RAB2A: variants seen among roughly 807,000 people sequenced by gnomAD.
RAB2A encodes ras-related protein Rab-2A.
A neutral mutation model predicts 32.5 loss-of-function variants in RAB2A; 7 were observed. That is an observed-to-expected ratio of 0.22 (90% CI 0.12 to 0.40). RAB2A has a LOEUF of 0.40. Among genes scored for constraint, RAB2A ranks in the 10% least tolerant of loss-of-function variants. RAB2A has a pLI of 1.00. For synonymous variants in RAB2A, 79 were observed against 85.2 expected, an observed-to-expected ratio of 0.93 and a Z score of 0.40; for missense variants, 108 against 260.7, an observed-to-expected ratio of 0.41 and a Z score of 4.03.
intron 2 of RAB2A, among the ~76,000 whole-genome samples, chr8:60,561,827 A>G (rs1808029955): frequency 6.6e-6 from 1 of 152,164 alleles, no homozygotes; most frequent in Non-Finnish European, 1.5e-5. Context: ...GTAGTCATAC[A>G]TAGCCACTAC....
intron 3 of RAB2A, among the ~76,000 whole-genome samples, chr8:60,577,836 G>A (rs4452821): frequency 0.38 from 53,801 of 141,158 alleles, 10,571 homozygotes; most frequent in Middle Eastern, 0.55. Flanking sequence ...TGGAGACGAG[G>A]TTTCACCAAG....
At chr8:60,597,682 TAGAA>T (rs1354386395) in intron 6 of RAB2A, among the ~76,000 whole-genome samples, 1 of 151,270 alleles carries the variant, frequency 6.6e-6, no homozygotes, top group Non-Finnish European at 1.5e-5. Flanking sequence ...CCAAAATAAA[TAGAA>T]AGGAGGGAAT....
intron 6 of RAB2A, among the ~76,000 whole-genome samples, chr8:60,605,224 G>A (rs192624072): frequency 3.9e-5 from 6 of 152,338 alleles, no homozygotes; most frequent in Admixed American, 3.9e-4. Flanking sequence ...TGGTAAGCCT[G>A]TGGGTGCACA....
intron 3 of RAB2A, among the ~76,000 whole-genome samples, chr8:60,577,982 C>G (rs1803672496): frequency 6.6e-6 from 1 of 151,976 alleles, no homozygotes; most frequent in South Asian, 2.1e-4. Flanking sequence ...AGTAAAGTAC[C>G]TGAGATTTAA....
chr8:60,533,834 G>T (rs571406565), intron 1 of RAB2A, among the ~76,000 whole-genome samples: 1 of 152,260 alleles, frequency 6.6e-6, no homozygotes, highest in Admixed American at 6.5e-5. Flanking sequence ...GCTGGGCGTG[G>T]TGGTGGGTGC....
intron 6 of RAB2A, among the ~76,000 whole-genome samples, chr8:60,597,774 C>G (rs1004893380): frequency 1.3e-5 from 2 of 152,226 alleles, no homozygotes; most frequent in Admixed American, 6.5e-5. Context: ...TTAAAAACTT[C>G]AGTAAAATTG....
At chr8:60,540,839 G>C (rs763725527) in intron 1 of RAB2A, among the ~76,000 whole-genome samples, 1 of 152,156 alleles carries the variant, frequency 6.6e-6, no homozygotes, top group South Asian at 2.1e-4. Context: ...AATATGGAAG[G>C]GCAGAAGATT....
intron 1 of RAB2A, among the ~76,000 whole-genome samples, chr8:60,545,984 T>TGA (rs1404275028): frequency 5.3e-5 from 8 of 152,216 alleles, no homozygotes; most frequent in African/African-American, 1.9e-4. Context: ...GATGAAAAGA[T>TGA]GAATAGGAAT....
At chr8:60,601,509 T>G (rs1324954782) in intron 6 of RAB2A, among the ~76,000 whole-genome samples, 1 of 152,202 alleles carries the variant, frequency 6.6e-6, no homozygotes, top group Admixed American at 6.5e-5. Flanking sequence ...GGCTAATTTT[T>G]GTACTTCTAG....
intron 1 of RAB2A, among the ~76,000 whole-genome samples, chr8:60,522,534 T>C (rs1807316993): frequency 6.6e-6 from 1 of 152,172 alleles, no homozygotes; most frequent in Non-Finnish European, 1.5e-5. Context: ...AAAAAAAAAT[T>C]TAAACAATAT....
chr8:60,584,679 G>A (rs1345141115), intron 4 of RAB2A, 44 bp from the exon 5 acceptor site: 11 of 1,468,060 alleles, frequency 7.5e-6, no homozygotes, highest in Admixed American at 1.8e-5. Context: ...GTATACTGAG[G>A]GAAATGCTTT....
At chr8:60,517,640 C>T (rs975798380) in intron 1 of RAB2A, among the ~76,000 whole-genome samples, 6 of 152,130 alleles carry the variant, frequency 3.9e-5, no homozygotes, top group African/African-American at 1.4e-4. Flanking sequence ...AGGAGGGAAA[C>T]CTAGGGGAGC....
chr8:60,595,920 T>C (rs1455412410), intron 6 of RAB2A, among the ~76,000 whole-genome samples: 1 of 152,226 alleles, frequency 6.6e-6, no homozygotes, highest in Non-Finnish European at 1.5e-5. Context: ...GAAATCAGTT[T>C]AACAGAAAAT....
intron 5 of RAB2A, among the ~76,000 whole-genome samples, chr8:60,586,945 A>G (rs1295555058): frequency 6.6e-6 from 1 of 151,770 alleles, no homozygotes; most frequent in Non-Finnish European, 1.5e-5. Context: ...AAAAAAAAAA[A>G]AAAAAAAGAT....
intron 6 of RAB2A, among the ~76,000 whole-genome samples, chr8:60,595,434 ACAAAT>A (rs1804006488): frequency 2.6e-5 from 4 of 152,240 alleles, no homozygotes; most frequent in Admixed American, 6.5e-5. Context: ...GTCAAAATAC[ACAAAT>A]CAAAAGGGAT....
intron 6 of RAB2A, among the ~76,000 whole-genome samples, chr8:60,614,333 A>G (rs1218471487): frequency 6.6e-6 from 1 of 151,864 alleles, no homozygotes; most frequent in African/African-American, 2.4e-5. Flanking sequence ...ATTCCTACCT[A>G]AATAGTTCCT....
At chr8:60,605,422 C>T (rs1276241382) in intron 6 of RAB2A, among the ~76,000 whole-genome samples, 1 of 152,220 alleles carries the variant, frequency 6.6e-6, no homozygotes, top group African/African-American at 2.4e-5. Flanking sequence ...CCACCTAGTG[C>T]AGCTGTGAGA....
intron 3 of RAB2A, among the ~76,000 whole-genome samples, chr8:60,577,236 A>G (rs575633138): frequency 6.6e-6 from 1 of 151,608 alleles, no homozygotes; most frequent in Admixed American, 6.6e-5. Flanking sequence ...TTTTGTAGAG[A>G]TGGGATTTTG....
intron 1 of RAB2A, among the ~76,000 whole-genome samples, chr8:60,523,960 T>TTA (rs1807340919): frequency 6.6e-6 from 1 of 152,142 alleles, no homozygotes; most frequent in Admixed American, 6.6e-5. Flanking sequence ...AATTTTTGCT[T>TTA]TATATATATT....
Sources: allele counts gnomAD v4.1 joint callset (sites outside exome capture counted in the v4.1 genomes callset), GRCh38; gene constraint gnomAD v4.1.1; transcripts MANE v1.5; gene names NCBI Gene and HGNC (gene_info 2026-07-23, HGNC 2026-07-21).